GAS6: variants seen among roughly 807,000 people sequenced by gnomAD.
The protein encoded by GAS6 is growth arrest specific 6, also known as growth arrest-specific protein 6.
GAS6 carries 41 observed loss-of-function variants against 75.8 expected under a neutral mutation model. The observed-to-expected ratio is 0.54, with a 90% confidence interval of 0.42 to 0.70. The LOEUF (loss-of-function observed/expected upper bound fraction) is 0.70, where lower values mean the gene tolerates loss of function less well. Ranked by LOEUF, GAS6 falls within the 30% of genes least tolerant of loss-of-function variation. GAS6 has a pLI of 0.00. For synonymous variants in GAS6, 432 were observed against 412.6 expected, an observed-to-expected ratio of 1.05 and a Z score of -0.57; for missense variants, 854 against 940.2, an observed-to-expected ratio of 0.91 and a Z score of 1.20.
chr13:113,826,149 C>T (rs1010605900), intron 12 of GAS6, among the ~76,000 whole-genome samples: 1 of 152,206 alleles, frequency 6.6e-6, no homozygotes, highest in Non-Finnish European at 1.5e-5. Context: ...CGTCACAGGA[C>T]TGGGCCAGCA....
intron 6 of GAS6, chr13:113,836,069 A>G (rs1366411910): frequency 6.1e-6 from 6 of 990,966 alleles, no homozygotes; most frequent in Non-Finnish European, 6.0e-6. Flanking sequence ...TTAAACCACA[A>G]TCCTAAGACT....
chr13:113,851,551 G>A (rs980007172), intron 2 of GAS6, among the ~76,000 whole-genome samples: 3 of 151,946 alleles, frequency 2.0e-5, no homozygotes, highest in Non-Finnish European at 2.9e-5. Context: ...GTGGGTGAGT[G>A]AGTGGATAGA....
At chr13:113,859,484 A>G (rs1268030439) in intron 2 of GAS6, among the ~76,000 whole-genome samples, 2 of 149,474 alleles carry the variant, frequency 1.3e-5, no homozygotes, top group East Asian at 4.0e-4. Context: ...GTGTGCATGT[A>G]TGTGTACATG....
intron 10 of GAS6, 123 bp downstream of exon 10, chr13:113,832,176 C>T: frequency 8.7e-7 from 1 of 1,153,696 alleles, no homozygotes; most frequent in African/African-American, 1.5e-5. Context: ...CCCCGTCCTG[C>T]CGGCACGCAG....
intron 13 of GAS6, 40 bp downstream of exon 13, chr13:113,823,335 G>C: frequency 6.4e-7 from 1 of 1,570,640 alleles, no homozygotes; most frequent in South Asian, 1.2e-5. Flanking sequence ...GTACCCGTGG[G>C]TCGAGCCGGT....
chr13:113,828,731 T>C lies in GAS6; in HGVS notation c.1144-20A>G, dbSNP rs758893786. On this transcript the variant is annotated intron_variant, in intron 10 of 14. Transcript: ENST00000327773. The stretch of plus-strand genomic sequence containing the variant: ...AGAGATCTGAAGAGAGGCAGCGCCA[T>C]GAGAAAAGATGGGAGTGCACGTTCT... 3.1e-6 allele frequency: 5 copies of C among 1,605,270 alleles called. No individual in the cohort carries two copies. Among genetic ancestry groups the C allele is most frequent in the Non-Finnish European group, 4.3e-6 (5 of 1,174,570 alleles).
At chr13:113,850,684 A>G (rs1278447267) in intron 2 of GAS6, among the ~76,000 whole-genome samples, 2 of 152,206 alleles carry the variant, frequency 1.3e-5, no homozygotes, top group African/African-American at 4.8e-5. Context: ...CACCAAACAC[A>G]TGGATGGATG....
At chr13:113,850,873 G>C (rs944988850) in intron 2 of GAS6, among the ~76,000 whole-genome samples, 1 of 152,184 alleles carries the variant, frequency 6.6e-6, no homozygotes, top group Non-Finnish European at 1.5e-5. Context: ...TAAATGCACA[G>C]ATGAATGAAT....
Position 113,835,651 on chromosome 13 carries a change from A to G in GAS6, c.590-16T>C. ...TCGTCTATGTCTGCAAGCAAAAAAA[A>G]ACCGGCCAACCGCAGCACAGCGGCA... is the stretch of plus-strand genomic sequence containing the variant. On this transcript the variant is annotated splice_polypyrimidine_tract_variant and intron_variant, in intron 6 of 14. Transcript: ENST00000327773. 1 of 1,609,318 alleles carries G rather than the reference A, an allele frequency of 6.2e-7. No homozygotes were observed. The highest frequency in any genetic ancestry group is 8.5e-7 in the Non-Finnish European group (1 of 1,178,630).
At chr13:113,841,169 G>C (rs1278753794) in intron 4 of GAS6, 1 of 152,392 alleles carries the variant, frequency 6.6e-6, no homozygotes, top group Non-Finnish European at 1.5e-5. Flanking sequence ...CCTGGCCGGG[G>C]TCAGGGGTGC....
chr13:113,839,354 T>C (rs1196598406), intron 5 of GAS6: 1 of 196,552 alleles, frequency 5.1e-6, no homozygotes, highest in East Asian at 1.5e-4. Context: ...TGGGTGCCAC[T>C]GACACCACAG....
chr13:113,824,870 C>A (rs2051514092), intron 12 of GAS6, among the ~76,000 whole-genome samples: 1 of 152,186 alleles, frequency 6.6e-6, no homozygotes, highest in Non-Finnish European at 1.5e-5. Flanking sequence ...AAAAAGTCTC[C>A]TGTTTGCCGG....
In GAS6 at chr13:113,855,394, G is replaced by A. The variant is rs534864642; in HGVS notation, c.256-7344C>T. On this transcript the variant is annotated intron_variant, in intron 2 of 14. Coordinates refer to ENST00000327773, the MANE Select transcript of GAS6 (RefSeq NM_000820.4). Reference sequence around the variant, plus strand: ...AGCAGCACAGGATGAGGATGCCTGGGTCTTGCCAGCCACCACGTTCTATGA... The same window carrying A: ...AGCAGCACAGGATGAGGATGCCTGGATCTTGCCAGCCACCACGTTCTATGA... 9.8e-5 allele frequency among the ~76,000 whole-genome samples: 15 copies of A among 152,338 alleles called. No homozygotes were observed. The East Asian group carries it at 2.7e-3, about 27-fold the overall frequency.
intron 3 of GAS6, chr13:113,847,685 C>G: frequency 3.1e-6 from 1 of 325,356 alleles, no homozygotes. Flanking sequence ...CTTTGGGGTC[C>G]TCAATGACTT....
At chr13:113,841,424 A>G (rs986127969) in intron 4 of GAS6, 1 of 149,812 alleles carries the variant, frequency 6.7e-6, no homozygotes, top group Admixed American at 6.6e-5. Context: ...TTTCCTCCGT[A>G]TGCCTCACAG....
At chr13:113,859,227 C>T (rs1469815694) in intron 2 of GAS6, among the ~76,000 whole-genome samples, 2 of 144,054 alleles carry the variant, frequency 1.4e-5, no homozygotes, top group Non-Finnish European at 3.0e-5. Context: ...CGTATGTGTA[C>T]ATGTCTGTGT....
rs1437062526 is a variant in GAS6 at position 113,823,540 on chromosome 13, A to C, written c.1488T>G (p.Pro496=). The C allele has an allele frequency of 6.2e-7, 1 of 1,611,636 alleles. No individual in the cohort carries two copies. The highest frequency in any genetic ancestry group is 8.5e-7 in the Non-Finnish European group (1 of 1,179,388). The change falls in exon 13 of 15, where the codon CCT becomes CCG. Residue 496 remains proline (P), a synonymous_variant. Transcript: ENST00000327773. ...AFYSLDYMRT[P]LDVGTESTWE... ...AGGTTGATTCAGTCCCGACGTCCAGAGGGGTCCGCACTGCAATGAAAGCGG... is the reference window on the plus strand; with the variant it reads ...AGGTTGATTCAGTCCCGACGTCCAGCGGGGTCCGCACTGCAATGAAAGCGG...
Position 113,848,155 on chromosome 13 carries a change from C to T in GAS6, c.256-105G>A. On this transcript the variant is annotated intron_variant, in intron 2 of 14. Coordinates refer to ENST00000327773, the MANE Select transcript of GAS6 (RefSeq NM_000820.4). The surrounding 1 kb of genome is among the most constrained non-coding windows in gnomAD (Gnocchi z 4.8). Reference sequence around the variant, plus strand: ...TAATCAGAGGCTGCTCTCGGGGCAGCCAGAGGGCCGCCCCACCCGGGGAAC... The same window carrying T: ...TAATCAGAGGCTGCTCTCGGGGCAGTCAGAGGGCCGCCCCACCCGGGGAAC... 1.6e-6 allele frequency: 2 copies of T among 1,245,264 alleles called. No individual in the cohort carries two copies. The highest frequency in any genetic ancestry group is 2.2e-5 in the Admixed American group (1 of 45,870). 77.1% of individuals were successfully genotyped at this position (1,245,264 alleles called of 1,614,324 possible).
rs897628708 is a variant in GAS6, at chr13:113,837,418, T to G, written c.589+651A>C. 5.9e-5 allele frequency among the ~76,000 whole-genome samples: 9 copies of G among 151,954 alleles called. No individual in the cohort carries two copies. The highest frequency in any genetic ancestry group is 5.9e-4 in the Admixed American group (9 of 15,272). ...GCGCTAAGAACTATGCCAGAAACTCTCAGGGACACGCCTGGGCATGTCCAG... is the reference window on the plus strand; with the variant it reads ...GCGCTAAGAACTATGCCAGAAACTCGCAGGGACACGCCTGGGCATGTCCAG... On this transcript the variant is annotated intron_variant, in intron 6 of 14. Coordinates refer to ENST00000327773, the MANE Select transcript of GAS6 (RefSeq NM_000820.4). The surrounding 1 kb of genome is among the most constrained non-coding windows in gnomAD (Gnocchi z 5.1).
Sources: allele counts gnomAD v4.1 joint callset (sites outside exome capture counted in the v4.1 genomes callset), GRCh38; gene constraint gnomAD v4.1.1; non-coding constraint Gnocchi (gnomAD v3.1); transcripts MANE v1.5; gene names NCBI Gene and HGNC (gene_info 2026-07-23, HGNC 2026-07-21).